The following FAM151B variants were observed in gnomAD, a reference collection of about 807,000 sequenced individuals.
FAM151B encodes protein FAM151B.
FAM151B carries 24 observed loss-of-function variants against 31.2 expected under a neutral mutation model. The ratio of observed to expected loss-of-function variants is 0.77; its 90% CI spans 0.56 to 1.08. The LOEUF (loss-of-function observed/expected upper bound fraction) is 1.08, where lower values mean the gene tolerates loss of function less well. Ranked by LOEUF, FAM151B falls within the 50% of genes least tolerant of loss-of-function variation. The probability of loss-of-function intolerance (pLI) is 0.00; values close to 1 mark genes in which losing one functional copy is unlikely to be tolerated. For synonymous variants in FAM151B, 105 were observed against 111.4 expected (o/e 0.94, Z 0.36); for missense variants, 293 against 328.6 (o/e 0.89, Z 0.84).
intron 5 of FAM151B, among the ~76,000 whole-genome samples, chr5:80,539,552 C>G (rs1357659258): frequency 6.6e-6 from 1 of 152,054 alleles, no homozygotes; most frequent in African/African-American, 2.4e-5. Flanking sequence ...AGTGCAGTGG[C>G]ACTGTCTCAG....
chr5:80,526,618 TA>T (rs199918603), intron 5 of FAM151B, among the ~76,000 whole-genome samples: 69 of 151,268 alleles, frequency 4.6e-4, no homozygotes, highest in African/African-American at 1.4e-3. Context: ...AGATTCCGTC[TA>T]AAAAAAAATA....
intron 5 of FAM151B, among the ~76,000 whole-genome samples, chr5:80,535,572 G>A (rs1745454709): frequency 6.6e-6 from 1 of 152,140 alleles, no homozygotes; most frequent in Non-Finnish European, 1.5e-5. Flanking sequence ...GTCTCTTACT[G>A]TATACCAAAA....
intron 5 of FAM151B, among the ~76,000 whole-genome samples, chr5:80,539,193 A>G (rs1745757637): frequency 6.6e-6 from 1 of 151,902 alleles, no homozygotes; most frequent in Non-Finnish European, 1.5e-5. Flanking sequence ...TATTTTTCAT[A>G]TGTACAAATA....
chr5:80,489,000 AC>A (rs2112590436), intron 1 of FAM151B, among the ~76,000 whole-genome samples: 1 of 152,242 alleles, frequency 6.6e-6, no homozygotes, highest in East Asian at 1.9e-4. Context: ...TTTTCTAACA[AC>A]CCTGACTCTT....
intron 2 of FAM151B, 96 bp from the exon 3 acceptor site, chr5:80,513,508 T>C: frequency 7.9e-7 from 1 of 1,260,256 alleles, no homozygotes; most frequent in Non-Finnish European, 1.1e-6. Flanking sequence ...TCTTTCCTTT[T>C]TTTTTATCTT....
intron 3 of FAM151B, among the ~76,000 whole-genome samples, chr5:80,514,476 AAATAATAAT>A (rs139355800): frequency 0.014 from 1,885 of 139,314 alleles, 25 homozygotes; most frequent in African/African-American, 0.034. Flanking sequence ...ACTCCCTCTC[AAATAATAAT>A]AATAATAATA....
At chr5:80,536,677 A>C (rs1580460056) in intron 5 of FAM151B, among the ~76,000 whole-genome samples, 1 of 152,224 alleles carries the variant, frequency 6.6e-6, no homozygotes, top group South Asian at 2.1e-4. Context: ...AGATTAAAGT[A>C]TATATATTGT....
At chr5:80,525,875 C>CATATAT (rs34660139) in intron 5 of FAM151B, among the ~76,000 whole-genome samples, 1 of 148,120 alleles carries the variant, frequency 6.8e-6, no homozygotes, top group Non-Finnish European at 1.5e-5. Context: ...TGCCTGTATG[C>CATATAT]ATATATATAT....
At chr5:80,537,711 C>T (rs1733481507) in intron 5 of FAM151B, among the ~76,000 whole-genome samples, 1 of 151,836 alleles carries the variant, frequency 6.6e-6, no homozygotes, top group Admixed American at 6.6e-5. Context: ...TTTGTACAAC[C>T]TTGTGTCTAG....
chr5:80,536,591 A>G (rs1337092030), intron 5 of FAM151B, among the ~76,000 whole-genome samples: 2 of 152,208 alleles, frequency 1.3e-5, no homozygotes, highest in Admixed American at 6.5e-5. Flanking sequence ...AGATAGCTGT[A>G]CTTCGATGTT....
At chr5:80,511,494 G>T (rs555723908) in intron 2 of FAM151B, among the ~76,000 whole-genome samples, 2 of 150,868 alleles carry the variant, frequency 1.3e-5, no homozygotes, top group South Asian at 2.1e-4. Context: ...TTGCAGTGCA[G>T]GTTGGCCACC....
chr5:80,500,971 T>C, intron 1 of FAM151B: 1 of 686,974 alleles, frequency 1.5e-6, no homozygotes, highest in Non-Finnish European at 2.6e-6. Context: ...CAAATTATCT[T>C]CGCCATGAGG....
rs561336692 is a variant in FAM151B at position 80,531,577 on chromosome 5, G to A, written c.671+9439G>A. On this transcript the variant is annotated intron_variant, in intron 5 of 5. Transcript: ENST00000282226. ...ACAACCCCATCAAAAAGTGGGCGAA[G>A]GATATGAACAGACACCTCTCAGAAG... is the stretch of plus-strand genomic sequence containing the variant. Among the ~76,000 whole-genome samples the A allele has an allele frequency of 7.9e-5, 12 of 152,298 alleles. No individual in the cohort carries two copies. The East Asian group carries it at 2.3e-3, about 29-fold the overall frequency.
chr5:80,498,956 G>A (rs1743644437), intron 1 of FAM151B: 3 of 225,902 alleles, frequency 1.3e-5, no homozygotes, highest in Admixed American at 9.1e-5. Context: ...GGTCTTCCCC[G>A]GAAGGGTTTT....
intron 5 of FAM151B, among the ~76,000 whole-genome samples, chr5:80,536,750 C>T (rs1384814616): frequency 6.6e-6 from 1 of 152,150 alleles, no homozygotes; most frequent in Non-Finnish European, 1.5e-5. Flanking sequence ...TTTGCAACGA[C>T]ATGGGTGGAA....
intron 1 of FAM151B, among the ~76,000 whole-genome samples, chr5:80,491,766 C>T (rs1189299271): frequency 2.6e-5 from 4 of 152,168 alleles, no homozygotes; most frequent in Non-Finnish European, 5.9e-5. Flanking sequence ...TAGCATACTG[C>T]CCTCCAGGTT....
At chr5:80,494,860 G>C (rs1743472276) in intron 1 of FAM151B, among the ~76,000 whole-genome samples, 2 of 152,078 alleles carry the variant, frequency 1.3e-5, no homozygotes, top group South Asian at 4.1e-4. Context: ...ATTGTAAGAA[G>C]ATGCCATTAG....
chr5:80,537,599 G>C (rs1168461750), intron 5 of FAM151B, among the ~76,000 whole-genome samples: 1 of 152,094 alleles, frequency 6.6e-6, no homozygotes, highest in Non-Finnish European at 1.5e-5. Context: ...CTATTCTGCA[G>C]TTTTACTCAT....
intron 1 of FAM151B, among the ~76,000 whole-genome samples, chr5:80,495,970 A>C (rs903387202): frequency 6.6e-6 from 1 of 152,174 alleles, no homozygotes; most frequent in Non-Finnish European, 1.5e-5. Flanking sequence ...GTATGAGCAA[A>C]GACAGTATTT....
Sources: allele counts gnomAD v4.1 joint callset (sites outside exome capture counted in the v4.1 genomes callset), GRCh38; gene constraint gnomAD v4.1.1; transcripts MANE v1.5; gene names NCBI Gene and HGNC (gene_info 2026-07-23, HGNC 2026-07-21).